The following C12orf50 variants were observed in gnomAD, a reference collection of about 807,000 sequenced individuals.
The protein encoded by C12orf50 is uncharacterized protein C12orf50.
Under a neutral mutation model 61.6 loss-of-function variants are expected in C12orf50, and 35 were observed. The ratio of observed to expected loss-of-function variants is 0.57; its 90% confidence interval spans 0.43 to 0.75. The LOEUF is 0.75. Among genes scored for constraint, C12orf50 ranks in the 30% least tolerant of loss-of-function variants. C12orf50 has a pLI of 0.00. For missense variants in C12orf50, 475 were observed against 488.5 expected, an observed-to-expected ratio of 0.97 and a Z score of 0.26; for synonymous variants, 178 against 161.5, an observed-to-expected ratio of 1.10 and a Z score of -0.77.
At chr12:88,005,784 A>C (rs376493774) in intron 3 of C12orf50, among the ~76,000 whole-genome samples, 1 of 151,046 alleles carries the variant, frequency 6.6e-6, no homozygotes, top group Non-Finnish European at 1.5e-5. Flanking sequence ...TTGCCTGCCC[A>C]GTAGTTACCT....
At chr12:87,997,563 G>T (rs1044700910) in intron 4 of C12orf50, among the ~76,000 whole-genome samples, 1 of 151,842 alleles carries the variant, frequency 6.6e-6, no homozygotes, top group Non-Finnish European at 1.5e-5. Context: ...CCCTCCCCTG[G>T]CCCTCCACCC....
intron 7 of C12orf50, among the ~76,000 whole-genome samples, chr12:87,994,072 C>A (rs2031263679): frequency 6.6e-6 from 1 of 151,914 alleles, no homozygotes; most frequent in Admixed American, 6.6e-5. Context: ...TGGTGGCACG[C>A]ACCTGTAGTG....
At chr12:88,014,869 C>T (rs768019445) in intron 3 of C12orf50, among the ~76,000 whole-genome samples, 1 of 152,174 alleles carries the variant, frequency 6.6e-6, no homozygotes, top group Non-Finnish European at 1.5e-5. Context: ...TCTTATAACT[C>T]CACTTCATTT....
intron 7 of C12orf50, among the ~76,000 whole-genome samples, chr12:87,991,751 G>T (rs904337421): frequency 6.6e-6 from 1 of 152,114 alleles, no homozygotes; most frequent in African/African-American, 2.4e-5. Flanking sequence ...CTAATTGTGG[G>T]TAAGGATACA....
At chr12:88,006,102 G>A (rs375087299) in intron 3 of C12orf50, among the ~76,000 whole-genome samples, 15 of 152,092 alleles carry the variant, frequency 9.9e-5, no homozygotes, top group Admixed American at 5.2e-4. Context: ...ATTTTTAGTA[G>A]AGACAGGGTT....
At chr12:88,018,319 C>CCATGTGGTGT (rs1429240286) in intron 3 of C12orf50, among the ~76,000 whole-genome samples, 14 of 152,200 alleles carry the variant, frequency 9.2e-5, no homozygotes, top group Non-Finnish European at 1.5e-5. Flanking sequence ...TTGACAGCTT[C>CCATGTGGTGT]CATGTGGTGT....
rs1403829800 is a variant in C12orf50, at chr12:87,985,719, T to C, written c.1126+131A>G. 9 of 842,066 alleles carry C rather than the reference T, an allele frequency of 1.1e-5. No individual in the cohort carries two copies. In the East Asian group the frequency reaches 2.3e-4, roughly 21 times the overall value. 52.2% of individuals were successfully genotyped at this position (842,066 alleles called of 1,614,324 possible). On this transcript the variant is annotated intron_variant, in intron 11 of 12. Transcript: ENST00000298699. ...CACATGGAAGAAATCCTCTCACTAG[T>C]TTCTATGGTGGTGATGGCCAGGGTA...
intron 9 of C12orf50, among the ~76,000 whole-genome samples, chr12:87,987,587 A>C (rs1234692910): frequency 6.6e-6 from 1 of 152,168 alleles, no homozygotes; most frequent in Non-Finnish European, 1.5e-5. Context: ...AGGTTATGCT[A>C]GTGAATCTTC....
intron 11 of C12orf50, chr12:87,985,625 G>T: frequency 1.8e-6 from 1 of 571,132 alleles, no homozygotes; most frequent in Non-Finnish European, 3.1e-6. Flanking sequence ...CTCTAGGGAG[G>T]TGCAATCTGA....
chr12:88,001,863 A>G (rs1372517872), intron 3 of C12orf50, among the ~76,000 whole-genome samples: 2 of 151,414 alleles, frequency 1.3e-5, no homozygotes, highest in Non-Finnish European at 3.0e-5. Flanking sequence ...TGATTTTAGT[A>G]ATTTCAACCT....
chr12:87,998,054 C>G lies in C12orf50; in HGVS notation c.270G>C (p.Glu90Asp). Reference protein sequence around the residue: ...LVLKTNFEEEEEVDEQNDASS... With the variant: ...LVLKTNFEEEDEVDEQNDASS... ...ACTAACCATTTTGTTCATCTACTTC[C>G]TCTTCTTCCTCAAAATTAGTTTTTA... The change falls in exon 4 of 13, where the codon GAG (glutamate) becomes GAC (aspartate). Residue 90 changes from glutamate (E) to aspartate (D), a missense_variant. Glu to Asp is a conservative substitution (Grantham distance 45). Transcript: ENST00000298699. 3 of 1,610,434 alleles carry G rather than the reference C, an allele frequency of 1.9e-6. No individual in the cohort carries two copies. The highest frequency in any genetic ancestry group is 2.5e-6 in the Non-Finnish European group (3 of 1,178,222).
chr12:88,003,084 G>A (rs543142565), intron 3 of C12orf50, among the ~76,000 whole-genome samples: 1 of 151,826 alleles, frequency 6.6e-6, no homozygotes, highest in Middle Eastern at 3.4e-3. Flanking sequence ...GGAGCTAAGA[G>A]GGGAAAAAGA....
At chr12:88,003,608 C>G (rs1403322350) in intron 3 of C12orf50, among the ~76,000 whole-genome samples, 2 of 151,978 alleles carry the variant, frequency 1.3e-5, no homozygotes. Context: ...TCGATTGCCA[C>G]AATTTTTTTT....
intron 3 of C12orf50, among the ~76,000 whole-genome samples, chr12:88,014,128 T>C (rs1321634506): frequency 6.6e-6 from 1 of 152,142 alleles, no homozygotes; most frequent in East Asian, 1.9e-4. Context: ...TAAAAAACTT[T>C]AATAGCTTTG....
intron 3 of C12orf50, among the ~76,000 whole-genome samples, chr12:88,009,716 G>A (rs952850319): frequency 2.0e-5 from 3 of 151,982 alleles, no homozygotes; most frequent in African/African-American, 7.2e-5. Flanking sequence ...AGGTTCTCTG[G>A]CCTTTCTTGT....
intron 3 of C12orf50, among the ~76,000 whole-genome samples, chr12:88,008,390 T>C (rs993777603): frequency 6.6e-6 from 1 of 152,198 alleles, no homozygotes; most frequent in African/African-American, 2.4e-5. Flanking sequence ...GCAAAGAATA[T>C]GATCTCATTC....
intron 6 of C12orf50, 80 bp downstream of exon 6, chr12:87,996,294 T>C (rs1462526863): frequency 1.0e-6 from 1 of 979,764 alleles, no homozygotes. Flanking sequence ...TATTCTTCTG[T>C]ACATCATACT....
chr12:88,026,395 C>A, intron 3 of C12orf50, 93 bp downstream of exon 3: 3 of 1,413,886 alleles, frequency 2.1e-6, no homozygotes, highest in East Asian at 2.4e-5. Context: ...CATTGCTCAC[C>A]TTGTCATACT....
At chr12:88,014,437 G>C (rs963409431) in intron 3 of C12orf50, among the ~76,000 whole-genome samples, 11 of 152,088 alleles carry the variant, frequency 7.2e-5, no homozygotes, top group African/African-American at 2.7e-4. Flanking sequence ...GAGTAGCTGG[G>C]ACTACAGGCA....
Sources: allele counts gnomAD v4.1 joint callset (sites outside exome capture counted in the v4.1 genomes callset), GRCh38; gene constraint gnomAD v4.1.1; transcripts MANE v1.5; gene names NCBI Gene and HGNC (gene_info 2026-07-23, HGNC 2026-07-21).